Variants in PDE8B observed in about 807,000 individuals in gnomAD.
PDE8B encodes the protein high affinity cAMP-specific and IBMX-insensitive 3',5'-cyclic phosphodiesterase 8B.
PDE8B carries 26 observed loss-of-function variants against 101.3 expected under a neutral mutation model. The ratio of observed to expected loss-of-function variants is 0.26; its 90% confidence interval spans 0.19 to 0.36. The LOEUF is 0.36. Among genes scored for constraint, PDE8B ranks in the 10% least tolerant of loss-of-function variants. The probability of loss-of-function intolerance (pLI) is 1.00; values close to 1 mark genes in which losing one functional copy is unlikely to be tolerated. For missense variants in PDE8B, 810 were observed against 1,163.1 expected (o/e 0.70, Z 4.42); for synonymous variants, 424 against 429.3 (o/e 0.99, Z 0.15).
Position 77,291,628 on chromosome 5 carries a change from A to AT in PDE8B, c.340-20365dup, listed in dbSNP as rs1315961392. 6 of 1,597,090 alleles carry AT rather than the reference A, an allele frequency of 3.8e-6. No individual in the cohort carries two copies. The African/African-American group carries it at 8.0e-5, about 21-fold the overall frequency. On this transcript the variant is annotated intron_variant, in intron 1 of 21. Coordinates refer to ENST00000264917, the MANE Select transcript of PDE8B (RefSeq NM_003719.5). Reference sequence around the variant, plus strand: ...AAAGGATCAGACTGTGGCACTGTAAATGTCAACATTCCAACAAGTGGGGCT... The same window carrying AT: ...AAAGGATCAGACTGTGGCACTGTAAATTGTCAACATTCCAACAAGTGGGGCT...
At chr5:77,300,469 C>T (rs1261690160) in intron 1 of PDE8B, among the ~76,000 whole-genome samples, 12 of 152,178 alleles carry the variant, frequency 7.9e-5, no homozygotes, top group Non-Finnish European at 1.6e-4. Flanking sequence ...GGGGGAATTA[C>T]CATGGGAGCC....
In PDE8B at chr5:77,400,300, C is replaced by T; in HGVS notation, c.1210+10C>T. On this transcript the variant is annotated intron_variant, in intron 11 of 21. Coordinates refer to ENST00000264917, the MANE Select transcript of PDE8B (RefSeq NM_003719.5). ...GACAATTCTCAGACAGGTGAGAATA[C>T]TTCAATTGAACTCTAACATACTTAG... 1 of 1,533,206 alleles carries T rather than the reference C, an allele frequency of 6.5e-7. No individual in the cohort carries two copies. The highest frequency in any genetic ancestry group is 9.0e-7 in the Non-Finnish European group (1 of 1,106,260). The allele number at this position is 1,533,206 out of a possible 1,614,324, so 95.0% of individuals were successfully genotyped here.
chr5:77,102,315 G>C, the PDE8B span, among the ~76,000 whole-genome samples: 1 of 152,188 alleles, frequency 6.6e-6, no homozygotes, highest in Non-Finnish European at 1.5e-5. Flanking sequence ...TTAGGAAAGA[G>C]TCCAGATCTA....
At chr5:77,093,317 T>C in the PDE8B span, among the ~76,000 whole-genome samples, 2 of 152,236 alleles carry the variant, frequency 1.3e-5, no homozygotes, top group Admixed American at 6.5e-5. Context: ...TGGTAGTTTG[T>C]ATTTTTTCCA....
intron 7 of PDE8B, 140 bp from the exon 8 acceptor site, chr5:77,349,279 G>A: frequency 9.1e-7 from 1 of 1,094,850 alleles, no homozygotes; most frequent in Non-Finnish European, 1.4e-6. Flanking sequence ...CCAGCTAACT[G>A]CATTAGAGAA....
chr5:77,110,198 C>G, the PDE8B span, among the ~76,000 whole-genome samples: 1 of 151,970 alleles, frequency 6.6e-6, no homozygotes. Flanking sequence ...TCTGCCTCCC[C>G]AAATTGCTGG....
chr5:77,274,719 G>A (rs1490307577), intron 1 of PDE8B, among the ~76,000 whole-genome samples: 1 of 152,016 alleles, frequency 6.6e-6, no homozygotes, highest in African/African-American at 2.4e-5. Flanking sequence ...AAAACAGATG[G>A]GAAAATACAG....
At chr5:77,256,648 T>C (rs1406543325) in intron 1 of PDE8B, among the ~76,000 whole-genome samples, 1 of 152,222 alleles carries the variant, frequency 6.6e-6, no homozygotes, top group Admixed American at 6.5e-5. Context: ...TGTCCTGGGC[T>C]CTGTACAGAT....
At chr5:77,411,554 A>C in intron 14 of PDE8B, 122 bp from the exon 15 acceptor site, 1 of 772,768 alleles carries the variant, frequency 1.3e-6, no homozygotes, top group Non-Finnish European at 2.2e-6. Context: ...CTTTGCTTCA[A>C]CTTAGACTTC....
intron 1 of PDE8B, among the ~76,000 whole-genome samples, chr5:77,273,982 C>T (rs1380897089): frequency 6.6e-6 from 1 of 151,824 alleles, no homozygotes; most frequent in African/African-American, 2.4e-5. Context: ...GCCACTATGC[C>T]CGGCTAATTT....
chr5:77,358,551 A>G (rs928281436), intron 10 of PDE8B: 2 of 447,988 alleles, frequency 4.5e-6, no homozygotes, highest in Non-Finnish European at 3.0e-6. Flanking sequence ...TTTGAAAACT[A>G]GTTTTTACTC....
the PDE8B span, among the ~76,000 whole-genome samples, chr5:77,182,858 A>G: frequency 2.6e-5 from 4 of 151,414 alleles, no homozygotes; most frequent in Non-Finnish European, 5.9e-5. Context: ...TGCTTTTTTG[A>G]TAACACTGCT....
chr5:77,412,317 A>G (rs940442153), intron 16 of PDE8B, 82 bp downstream of exon 16: 27 of 1,470,586 alleles, frequency 1.8e-5, no homozygotes, highest in Non-Finnish European at 2.5e-5. Flanking sequence ...TGAGGGAGAC[A>G]TGTTTTTGCT....
At chr5:77,138,691 T>G in the PDE8B span, among the ~76,000 whole-genome samples, 1 of 152,256 alleles carries the variant, frequency 6.6e-6, no homozygotes, top group South Asian at 2.1e-4. Context: ...TTCTTTGAAA[T>G]GATCTGCATT....
intron 1 of PDE8B, among the ~76,000 whole-genome samples, chr5:77,228,538 T>C (rs773857841): frequency 1.3e-4 from 20 of 152,016 alleles, no homozygotes; most frequent in Non-Finnish European, 1.2e-4. Flanking sequence ...AGGGATTAAC[T>C]TGGTGTGTAG....
At chr5:77,231,770 C>G (rs1218892944) in intron 1 of PDE8B, among the ~76,000 whole-genome samples, 2 of 152,212 alleles carry the variant, frequency 1.3e-5, no homozygotes, top group Non-Finnish European at 1.5e-5. Context: ...CTGTATTTAG[C>G]CCTTACCGGC....
chr5:77,298,330 G>T (rs543429948), intron 1 of PDE8B, among the ~76,000 whole-genome samples: 1 of 152,232 alleles, frequency 6.6e-6, no homozygotes, highest in South Asian at 2.1e-4. Flanking sequence ...CTCAGCCACA[G>T]AACATCATGG....
chr5:77,362,644 C>G (rs1333555026), intron 10 of PDE8B, among the ~76,000 whole-genome samples: 1 of 152,196 alleles, frequency 6.6e-6, no homozygotes, highest in East Asian at 1.9e-4. Context: ...TCATCACTGA[C>G]TAAACCATCA....
chr5:77,111,109 G>A, the PDE8B span, among the ~76,000 whole-genome samples: 1 of 152,198 alleles, frequency 6.6e-6, no homozygotes, highest in African/African-American at 2.4e-5. Flanking sequence ...GCAGAATGAA[G>A]AATGGCTTGT....
Sources: allele counts gnomAD v4.1 joint callset (sites outside exome capture counted in the v4.1 genomes callset), GRCh38; gene constraint gnomAD v4.1.1; transcripts MANE v1.5; gene names NCBI Gene and HGNC (gene_info 2026-07-23, HGNC 2026-07-21).